Variants in SPATA13 observed in about 807,000 individuals in gnomAD.
The protein encoded by SPATA13 is spermatogenesis associated 13, also known as spermatogenesis-associated protein 13.
In SPATA13, 50 loss-of-function variants were observed where a neutral mutation model predicts 104.0. The observed-to-expected ratio is 0.48, with a 90% CI of 0.38 to 0.61. The LOEUF (loss-of-function observed/expected upper bound fraction) is 0.61. Ranked by LOEUF, SPATA13 falls within the 20% of genes least tolerant of loss-of-function variation. SPATA13 has a pLI of 0.00. For missense variants in SPATA13, 1,524 were observed against 1,690.6 expected, an observed-to-expected ratio of 0.90 and a Z score of 1.73; for synonymous variants, 606 against 667.5, an observed-to-expected ratio of 0.91 and a Z score of 1.42.
chr13:24,231,803 G>A (rs1273038877), intron 2 of SPATA13, among the ~76,000 whole-genome samples: 1 of 152,188 alleles, frequency 6.6e-6, no homozygotes, highest in African/African-American at 2.4e-5. Flanking sequence ...ATTCCAGCGG[G>A]TGTAGAGTGG....
chr13:24,147,577 C>A (rs1461008593), intron 3 of SPATA13, among the ~76,000 whole-genome samples: 1 of 152,160 alleles, frequency 6.6e-6, no homozygotes, highest in Non-Finnish European at 1.5e-5. Flanking sequence ...TGTTAAGCCC[C>A]TTCCAGGAAG....
chr13:24,297,127 C>T (rs922284178), intron 10 of SPATA13, among the ~76,000 whole-genome samples: 1 of 152,162 alleles, frequency 6.6e-6, no homozygotes, highest in Non-Finnish European at 1.5e-5. Flanking sequence ...CAGCCTCAAA[C>T]TCCTGGGCTC....
chr13:24,019,099 T>A (rs187867856), intron 3 of SPATA13, among the ~76,000 whole-genome samples: 2,990 of 149,068 alleles, frequency 0.02, 106 homozygotes, highest in African/African-American at 0.07. Context: ...TATTATTTTT[T>A]TTTTTTTGAG....
intron 3 of SPATA13, among the ~76,000 whole-genome samples, chr13:24,071,555 G>T (rs1171295101): frequency 2.0e-5 from 3 of 152,116 alleles, no homozygotes; most frequent in Non-Finnish European, 4.4e-5. Context: ...GTGGAACTAG[G>T]GAAAACCAGC....
At chr13:24,121,982 T>A in intron 3 of SPATA13, 1 of 935,248 alleles carries the variant, frequency 1.1e-6, no homozygotes, top group Non-Finnish European at 1.8e-6. Flanking sequence ...TTAGAGTAGA[T>A]AACATGAACC....
chr13:24,160,946 G>C lies in SPATA13; in HGVS notation c.-112+14G>C, dbSNP rs1257642288. The C allele has an allele frequency of 1.8e-5, 18 of 985,732 alleles. No homozygotes were observed. Among genetic ancestry groups the C allele is most frequent in the Admixed American group, 1.2e-4 (2 of 16,272 alleles). 61.1% of individuals were successfully genotyped at this position (985,732 alleles called of 1,614,324 possible). On this transcript the variant is annotated intron_variant, in intron 1 of 12. Transcript: ENST00000382108. Reference sequence around the variant, plus strand: ...GCGCCGCAGGAGGTAAGACGGCTTCGGGCGCGCGGCTCTGCCGGGCGGGCG... The same window carrying C: ...GCGCCGCAGGAGGTAAGACGGCTTCCGGCGCGCGGCTCTGCCGGGCGGGCG...
chr13:24,264,841 A>C (rs9511172), intron 4 of SPATA13, among the ~76,000 whole-genome samples: 70,444 of 152,128 alleles, frequency 0.46, 18,565 homozygotes, highest in East Asian at 0.7. Flanking sequence ...GCACCTTTTA[A>C]AGGACAATTT....
intron 1 of SPATA13, among the ~76,000 whole-genome samples, chr13:24,185,322 T>C (rs186326103): frequency 1.4e-3 from 209 of 152,360 alleles, no homozygotes; most frequent in African/African-American, 4.8e-3. Flanking sequence ...AGGGATTTTA[T>C]TTCTTAGTGA....
chr13:24,278,479 T>C, intron 4 of SPATA13: 1 of 464,938 alleles, frequency 2.2e-6, no homozygotes, highest in Non-Finnish European at 3.7e-6. Context: ...GGTCTTATTA[T>C]GTTGCCCAGC....
At chr13:24,080,892 C>T (rs980255711) in intron 3 of SPATA13, among the ~76,000 whole-genome samples, 5 of 152,162 alleles carry the variant, frequency 3.3e-5, no homozygotes, top group African/African-American at 1.2e-4. Context: ...TTTGGGAAAC[C>T]ACTTCCAGTG....
chr13:24,204,610 C>T (rs2861546), intron 1 of SPATA13, among the ~76,000 whole-genome samples: 134,935 of 152,100 alleles, frequency 0.89, 62,098 homozygotes, highest in East Asian at 1. Flanking sequence ...ATTTCTCCTC[C>T]TCCTCCCAGA....
intron 1 of SPATA13, among the ~76,000 whole-genome samples, chr13:24,215,177 G>A (rs1871210931): frequency 6.6e-6 from 1 of 152,168 alleles, no homozygotes; most frequent in Non-Finnish European, 1.5e-5. Flanking sequence ...GTCACCTCTG[G>A]CTTGGTTCAT....
chr13:24,112,816 C>T (rs1039583417), intron 3 of SPATA13, among the ~76,000 whole-genome samples: 2 of 152,194 alleles, frequency 1.3e-5, no homozygotes, highest in African/African-American at 2.4e-5. Flanking sequence ...TTGGTCTTTG[C>T]TGTCATTGCT....
chr13:24,086,650 C>T (rs1254074346), intron 3 of SPATA13, among the ~76,000 whole-genome samples: 1 of 152,134 alleles, frequency 6.6e-6, no homozygotes, highest in East Asian at 1.9e-4. Flanking sequence ...CCACAGAAGA[C>T]ACAGTTCAGA....
chr13:24,082,826 CAAAAAAA>C (rs3075296), intron 3 of SPATA13, among the ~76,000 whole-genome samples: 229 of 50,068 alleles, frequency 4.6e-3, no homozygotes, highest in South Asian at 0.019. Flanking sequence ...GACTCCGTCT[CAAAAAAA>C]AAAAAAAAAA....
chr13:24,298,919 G>A (rs2138772134), intron 11 of SPATA13, among the ~76,000 whole-genome samples: 1 of 152,250 alleles, frequency 6.6e-6, no homozygotes. Context: ...GCCACTCCAA[G>A]ATACAGAGCT....
intron 2 of SPATA13, among the ~76,000 whole-genome samples, chr13:24,015,618 G>A (rs1876671553): frequency 6.6e-6 from 1 of 152,102 alleles, no homozygotes; most frequent in Non-Finnish European, 1.5e-5. Context: ...CCACTCATGG[G>A]GCTTCTTTTC....
intron 1 of SPATA13, among the ~76,000 whole-genome samples, chr13:24,207,407 T>G (rs1482990816): frequency 6.6e-6 from 1 of 152,146 alleles, no homozygotes; most frequent in Non-Finnish European, 1.5e-5. Flanking sequence ...TAAAATCTGT[T>G]CCAGTCCCCA....
intron 3 of SPATA13, among the ~76,000 whole-genome samples, chr13:24,133,503 G>A (rs1248759251): frequency 6.6e-6 from 1 of 152,194 alleles, no homozygotes; most frequent in African/African-American, 2.4e-5. Flanking sequence ...TACCCCTGCT[G>A]AGCTCGGGCA....
Sources: allele counts gnomAD v4.1 joint callset (sites outside exome capture counted in the v4.1 genomes callset), GRCh38; gene constraint gnomAD v4.1.1; transcripts MANE v1.5; gene names NCBI Gene and HGNC (gene_info 2026-07-23, HGNC 2026-07-21).